Variants in IL22RA1 observed in about 807,000 individuals in gnomAD.
IL22RA1 encodes interleukin 22 receptor subunit alpha 1.
A neutral mutation model predicts 32.8 loss-of-function variants in IL22RA1; 25 were observed. That is an observed-to-expected ratio of 0.76 (90% CI 0.55 to 1.06). IL22RA1 has a LOEUF of 1.06. Among genes scored for constraint, IL22RA1 ranks in the 50% least tolerant of loss-of-function variants. The probability of loss-of-function intolerance (pLI) is 0.00; values close to 1 mark genes in which losing one functional copy is unlikely to be tolerated. For synonymous variants in IL22RA1, 305 were observed against 305.0 expected (o/e 1.00, Z 0.00); for missense variants, 709 against 727.4 (o/e 0.97, Z 0.29).
rs191965661 is a variant in IL22RA1, at chr1:24,137,086, G to A, written c.355+45C>T. ...GCCATCCCACCCCGCAAACACCTGCGCTTTCCTCTTCCCTCCCCTGAAACC... is the reference window on the plus strand; with the variant it reads ...GCCATCCCACCCCGCAAACACCTGCACTTTCCTCTTCCCTCCCCTGAAACC... On this transcript the variant is annotated intron_variant, in intron 3 of 6. Coordinates refer to ENST00000270800, the MANE Select transcript of IL22RA1 (RefSeq NM_021258.4). The A allele has an allele frequency of 3.2e-5, 51 of 1,579,458 alleles. No individual in the cohort carries two copies. In the South Asian group the frequency reaches 3.7e-4, roughly 11 times the overall value.
intron 6 of IL22RA1, 48 bp from the exon 7 acceptor site, chr1:24,121,785 C>T (rs941644910): frequency 7.1e-7 from 1 of 1,400,832 alleles, no homozygotes; most frequent in African/African-American, 1.4e-5. Flanking sequence ...GGGTAAGTCC[C>T]AAGCTCCCTA....
intron 2 of IL22RA1, 150 bp from the exon 3 acceptor site, chr1:24,137,459 C>T: frequency 1.6e-6 from 1 of 619,950 alleles, no homozygotes; most frequent in Non-Finnish European, 2.8e-6. Context: ...TTTGTTCTCA[C>T]AATGATTCTC....
chr1:24,136,125 T>G (rs1644240653), intron 3 of IL22RA1, among the ~76,000 whole-genome samples: 1 of 152,102 alleles, frequency 6.6e-6, no homozygotes, highest in Non-Finnish European at 1.5e-5. Flanking sequence ...CAGCTAATTT[T>G]TAAATTTTTT....
chr1:24,137,355 A>C (rs886250629), intron 2 of IL22RA1, 46 bp from the exon 3 acceptor site: 4 of 1,577,504 alleles, frequency 2.5e-6, no homozygotes, highest in Non-Finnish European at 2.6e-6. Flanking sequence ...TGAAAAGGCC[A>C]GCGCTAGGCC....
rs1280542842 is a variant in IL22RA1 at position 24,143,065 on chromosome 1, G to T, written c.18C>A (p.Thr6=). Residue 6 remains threonine (T), a synonymous_variant, in exon 1 of 7, where the codon ACC becomes ACA. Coordinates refer to ENST00000270800, the MANE Select transcript of IL22RA1 (RefSeq NM_021258.4). MRTLL[T]ILTVGSLAAH... is the part of the protein sequence containing the mutation. Reference sequence around the variant, plus strand: ...CAGCCAGGGATCCCACAGTCAAGATGGTCAGCAGCGTCCTCATCGGGGCTG... The same window carrying T: ...CAGCCAGGGATCCCACAGTCAAGATTGTCAGCAGCGTCCTCATCGGGGCTG... The T allele has an allele frequency of 1.2e-6, 2 of 1,613,260 alleles. No individual in the cohort carries two copies. The highest frequency in any genetic ancestry group is 3.3e-5 in the Admixed American group (2 of 59,928).
At chr1:24,128,694 CCTTT>C (rs994568086) in intron 4 of IL22RA1, among the ~76,000 whole-genome samples, 10 of 152,148 alleles carry the variant, frequency 6.6e-5, no homozygotes, top group African/African-American at 2.2e-4. Context: ...AACACCCATT[CCTTT>C]CTTTCTTTCC....
At chr1:24,137,737 G>A (rs1047987942) in intron 2 of IL22RA1, among the ~76,000 whole-genome samples, 1 of 151,926 alleles carries the variant, frequency 6.6e-6, no homozygotes, top group Admixed American at 6.6e-5. Context: ...GGCTGGTCTC[G>A]AACTCCTAAC....
intron 1 of IL22RA1, among the ~76,000 whole-genome samples, chr1:24,140,921 C>T (rs1644277198): frequency 1.3e-5 from 2 of 152,250 alleles, no homozygotes; most frequent in African/African-American, 4.8e-5. Context: ...CCAGTGGGCC[C>T]AAGGTGTGAG....
At chr1:24,142,613 G>C (rs1030610895) in intron 1 of IL22RA1, among the ~76,000 whole-genome samples, 1 of 152,198 alleles carries the variant, frequency 6.6e-6, no homozygotes. Flanking sequence ...CTCAAGCTTC[G>C]TTTCCCCCGG....
chr1:24,138,845 T>C (rs1028441512), intron 1 of IL22RA1, 131 bp from the exon 2 acceptor site: 3 of 1,128,170 alleles, frequency 2.7e-6, no homozygotes, highest in Non-Finnish European at 3.8e-6. Context: ...GCCAGCCTGG[T>C]GGGTGGGCAG....
intron 4 of IL22RA1, 137 bp downstream of exon 4, chr1:24,134,074 G>A: frequency 1.7e-6 from 1 of 600,528 alleles, no homozygotes; most frequent in East Asian, 3.3e-5. Flanking sequence ...AGGCTTCAAG[G>A]AGCCTCTCAA....
At chr1:24,132,962 T>C (rs546222302) in intron 4 of IL22RA1, among the ~76,000 whole-genome samples, 1 of 151,934 alleles carries the variant, frequency 6.6e-6, no homozygotes, top group South Asian at 2.1e-4. Flanking sequence ...TACCCTATTA[T>C]TTGCTGAACA....
At chr1:24,129,169 C>T (rs1644185805) in intron 4 of IL22RA1, among the ~76,000 whole-genome samples, 1 of 152,232 alleles carries the variant, frequency 6.6e-6, no homozygotes, top group Admixed American at 6.5e-5. Context: ...TCTCCTCCTA[C>T]CTCTCTGACT....
Position 24,120,845 on chromosome 1 carries a change from A to G in IL22RA1, c.1685T>C (p.Leu562Pro), listed in dbSNP as rs746309819. 1 of 1,613,490 alleles carries G rather than the reference A, an allele frequency of 6.2e-7. No homozygotes were observed. Among genetic ancestry groups the G allele is most frequent in the Admixed American group, 1.7e-5 (1 of 59,944 alleles). ...CACAGTCAGGGCCAGGCCTCTGAAA[A>G]GAGAATCCAGTTCTGTGGGCTGCTC... ...DLEQPTELDS[L>P]FRGLALTVQW... is the part of the protein sequence containing the mutation. Residue 562 changes from leucine to proline, a missense_variant, in exon 7 of 7, where the codon CTT (leucine) becomes CCT (proline). Leu to Pro is a moderately conservative substitution (Grantham distance 98). Coordinates refer to ENST00000270800, the MANE Select transcript of IL22RA1 (RefSeq NM_021258.4).
At chr1:24,130,380 A>G (rs1644196356) in intron 4 of IL22RA1, among the ~76,000 whole-genome samples, 1 of 152,180 alleles carries the variant, frequency 6.6e-6, no homozygotes, top group Non-Finnish European at 1.5e-5. Flanking sequence ...CAAACTCTGT[A>G]TATAAACTCT....
intron 5 of IL22RA1, among the ~76,000 whole-genome samples, chr1:24,124,100 T>C (rs1008049806): frequency 1.3e-5 from 2 of 152,114 alleles, no homozygotes; most frequent in African/African-American, 4.8e-5. Flanking sequence ...CCCCCTTTGT[T>C]GTATGGAGTC....
At position 24,143,069 on chromosome 1, in the gene IL22RA1, A is replaced by AGCAGCGTCCTCATCGGGGCTGGC. The variant is rs750999180; in HGVS notation, c.-10_13dup (p.Leu5ArgfsTer5). The stretch of plus-strand genomic sequence containing the variant: ...CAGGGATCCCACAGTCAAGATGGTC[A>AGCAGCGTCCTCATCGGGGCTGGC]GCAGCGTCCTCATCGGGGCTGGCAC... On this transcript the variant is annotated stop_gained and frameshift_variant, in exon 1 of 7. Transcript: ENST00000270800. LOFTEE classifies it high-confidence loss of function. The AGCAGCGTCCTCATCGGGGCTGGC allele has an allele frequency of 1.9e-6, 3 of 1,613,444 alleles. No homozygotes were observed.
At position 24,123,311 on chromosome 1, in the gene IL22RA1, G is replaced by T. The variant is rs1200709894; in HGVS notation, c.783C>A (p.Pro261=). Residue 261 remains proline, a synonymous_variant, in exon 6 of 7, where the codon CCC becomes CCA. Coordinates refer to ENST00000270800, the MANE Select transcript of IL22RA1 (RefSeq NM_021258.4). The part of the protein sequence containing the change: ...YRYVTKPPAP[P]NSLNVQRVLT... ...TGGGGGGATGGCTCACCAGGGAGTT[G>T]GGAGGTGCAGGCGGCTTGGTGACAT... is the stretch of plus-strand genomic sequence containing the variant. 6.2e-7 allele frequency: 1 copy of T among 1,614,060 alleles called. No homozygotes were observed. Among genetic ancestry groups the T allele is most frequent in the South Asian group, 1.1e-5 (1 of 91,054 alleles).
chr1:24,130,426 A>G (rs1423497944), intron 4 of IL22RA1, among the ~76,000 whole-genome samples: 2 of 152,204 alleles, frequency 1.3e-5, no homozygotes, highest in African/African-American at 4.8e-5. Context: ...AGTAGGCATG[A>G]ATGGGGTAGA....
Sources: allele counts gnomAD v4.1 joint callset (sites outside exome capture counted in the v4.1 genomes callset), GRCh38; gene constraint gnomAD v4.1.1; transcripts MANE v1.5; gene names NCBI Gene and HGNC (gene_info 2026-07-23, HGNC 2026-07-21).